The following AAK1 variants were observed in gnomAD, a reference collection of about 807,000 sequenced individuals.
AAK1 encodes AP2-associated protein kinase 1.
Under a neutral mutation model 116.0 loss-of-function variants are expected in AAK1, and 37 were observed. The observed-to-expected ratio is 0.32, with a 90% confidence interval of 0.25 to 0.42. AAK1 has a LOEUF of 0.42. Ranked by LOEUF, AAK1 falls within the 10% of genes least tolerant of loss-of-function variation. The pLI, the probability that AAK1 is intolerant of heterozygous loss-of-function variation, is 1.00. For synonymous variants in AAK1, 458 were observed against 439.9 expected (o/e 1.04, Z -0.51); for missense variants, 919 against 1,170.6 (o/e 0.79, Z 3.14).
chr2:69,602,057 G>A (rs1338860185), intron 2 of AAK1, among the ~76,000 whole-genome samples: 2 of 152,092 alleles, frequency 1.3e-5, no homozygotes, highest in Non-Finnish European at 2.9e-5. Context: ...TTAAATCTAA[G>A]CACAGGGAAC....
chr2:69,576,219 A>G (rs1353776252), intron 2 of AAK1, among the ~76,000 whole-genome samples: 2 of 152,246 alleles, frequency 1.3e-5, no homozygotes, highest in Non-Finnish European at 2.9e-5. Flanking sequence ...AAATCCATTA[A>G]GAAAATATAC....
At chr2:69,577,964 C>A (rs1360580280) in intron 2 of AAK1, among the ~76,000 whole-genome samples, 1 of 152,166 alleles carries the variant, frequency 6.6e-6, no homozygotes, top group African/African-American at 2.4e-5. Flanking sequence ...GAAATTCAGT[C>A]TCCCAAGACA....
intron 14 of AAK1, among the ~76,000 whole-genome samples, chr2:69,508,193 T>C (rs1173070751): frequency 1.3e-5 from 2 of 152,238 alleles, no homozygotes; most frequent in Non-Finnish European, 2.9e-5. Flanking sequence ...AAGCAACCTG[T>C]TCTTAGACTT....
At chr2:69,639,154 C>G (rs1002528238) in intron 2 of AAK1, among the ~76,000 whole-genome samples, 17 of 152,198 alleles carry the variant, frequency 1.1e-4, no homozygotes, top group African/African-American at 3.9e-4. Context: ...GAAAGCTGTT[C>G]TGAGGAGCCA....
intron 2 of AAK1, among the ~76,000 whole-genome samples, chr2:69,603,359 G>A (rs1036147965): frequency 2.0e-4 from 31 of 152,136 alleles, no homozygotes; most frequent in African/African-American, 7.5e-4. Context: ...TCACGAGCCA[G>A]CACGCAAGAA....
chr2:69,583,425 T>G (rs1286178093), intron 2 of AAK1, among the ~76,000 whole-genome samples: 3 of 152,202 alleles, frequency 2.0e-5, no homozygotes, highest in Non-Finnish European at 4.4e-5. Flanking sequence ...TATTCACTCT[T>G]TATGCTCCAA....
intron 9 of AAK1, 85 bp downstream of exon 9, chr2:69,527,131 C>A (rs1192816171): frequency 2.1e-6 from 2 of 972,538 alleles, no homozygotes; most frequent in Non-Finnish European, 3.2e-6. Context: ...CATCTAAATT[C>A]ATTTAAACAG....
chr2:69,511,139 A>C (rs1572908898), intron 13 of AAK1, among the ~76,000 whole-genome samples: 1 of 152,186 alleles, frequency 6.6e-6, no homozygotes, highest in East Asian at 1.9e-4. Flanking sequence ...CCTTCCCTCC[A>C]GTCCCTCTTC....
At chr2:69,565,137 T>C (rs1372873906) in intron 2 of AAK1, among the ~76,000 whole-genome samples, 1 of 152,296 alleles carries the variant, frequency 6.6e-6, no homozygotes, top group South Asian at 2.1e-4. Flanking sequence ...GTCAGGAAGA[T>C]CACAGGGAGG....
At chr2:69,621,209 T>C (rs1674607500) in intron 2 of AAK1, among the ~76,000 whole-genome samples, 1 of 152,050 alleles carries the variant, frequency 6.6e-6, no homozygotes, top group African/African-American at 2.4e-5. Context: ...TGGTTGCGCG[T>C]GGTGGCTTGC....
At chr2:69,489,012 CTT>C (rs199920200) in intron 17 of AAK1, among the ~76,000 whole-genome samples, 1 of 145,024 alleles carries the variant, frequency 6.9e-6, no homozygotes, top group Non-Finnish European at 1.5e-5. Flanking sequence ...TAACTTAAAA[CTT>C]TTTTTTTTTT....
rs188712490 is a variant in AAK1 at position 69,470,534 on chromosome 2, G to A, written c.*5335C>T. The A allele has an allele frequency of 5.7e-4, 563 of 985,426 alleles. 1 individual carries two copies. The highest frequency in any genetic ancestry group is 4.7e-3 in the Middle Eastern group (9 of 1,914). 61.0% of individuals were successfully genotyped at this position (985,426 alleles called of 1,614,324 possible). Reference sequence around the variant, plus strand: ...CCAGCTGTGCCTCTCAGGCCAATGAGGCAATTAAATGAGTGAGTTTTCTCA... The same window carrying A: ...CCAGCTGTGCCTCTCAGGCCAATGAAGCAATTAAATGAGTGAGTTTTCTCA... On this transcript the variant is annotated 3_prime_UTR_variant, in exon 22 of 22. Transcript: ENST00000409085.
intron 2 of AAK1, among the ~76,000 whole-genome samples, chr2:69,558,339 CA>C (rs35878234): frequency 0.013 from 1,689 of 133,540 alleles, 30 homozygotes; most frequent in African/African-American, 0.037. Context: ...GACCCTGTCT[CA>C]AAAAAAAAAA....
intron 19 of AAK1, 67 bp downstream of exon 19, chr2:69,480,793 T>G: frequency 5.9e-6 from 8 of 1,361,166 alleles, no homozygotes; most frequent in South Asian, 4.0e-5. Context: ...CTGAGCCAGG[T>G]GAAAAGACTG....
At chr2:69,487,908 G>A (rs7597565) in intron 17 of AAK1, among the ~76,000 whole-genome samples, 4,580 of 150,850 alleles carry the variant, frequency 0.03, 268 homozygotes, top group East Asian at 0.18. Context: ...TCCCGCCTCA[G>A]CCTCCCGAGT....
chr2:69,471,607 T>C lies in AAK1; in HGVS notation c.*4262A>G. On this transcript the variant is annotated 3_prime_UTR_variant, in exon 22 of 22. Coordinates refer to ENST00000409085, the MANE Select transcript of AAK1 (RefSeq NM_014911.5). ...TCATTTTCATCCCAAAGCTCAAAGT[T>C]AGTGGCTATGGGAGCCTGATAATCT... 1 of 985,382 alleles carries C rather than the reference T, an allele frequency of 1.0e-6. No individual in the cohort carries two copies. Among genetic ancestry groups the C allele is most frequent in the Non-Finnish European group, 1.2e-6 (1 of 829,900 alleles). The allele number at this position is 985,382 out of a possible 1,614,324, so 61.0% of individuals were successfully genotyped here. A position where few individuals can be genotyped will look rare whatever the true frequency, so the allele number is the denominator to read the frequency against.
intron 16 of AAK1, among the ~76,000 whole-genome samples, chr2:69,502,322 C>T (rs1356844986): frequency 6.6e-6 from 1 of 152,002 alleles, no homozygotes; most frequent in Non-Finnish European, 1.5e-5. Flanking sequence ...AAAAATGGGT[C>T]AGTAAATAAG....
intron 17 of AAK1, among the ~76,000 whole-genome samples, chr2:69,489,212 AAGCT>A: frequency 6.6e-6 from 1 of 151,530 alleles, no homozygotes; most frequent in Non-Finnish European, 1.5e-5. Flanking sequence ...GCACTTTGGG[AAGCT>A]GAGGCGGGTG....
intron 2 of AAK1, among the ~76,000 whole-genome samples, chr2:69,606,145 T>C (rs563285421): frequency 6.6e-6 from 1 of 152,298 alleles, no homozygotes; most frequent in South Asian, 2.1e-4. Context: ...AGCATAAATA[T>C]CATATTTACA....
Sources: gnomAD v4.1 joint callset for allele counts (sites outside exome capture counted in the v4.1 genomes callset) on GRCh38, gnomAD v4.1.1 for gene constraint, MANE v1.5 for transcripts, NCBI Gene and HGNC (gene_info 2026-07-23, HGNC 2026-07-21) for gene names.